MED12L: variants seen among roughly 807,000 people sequenced by gnomAD.
The protein encoded by MED12L is mediator complex subunit 12L.
Under a neutral mutation model 281.3 loss-of-function variants are expected in MED12L, and 60 were observed. That is an observed-to-expected ratio of 0.21 (90% CI 0.17 to 0.26). The LOEUF is 0.26. MED12L is among the 10% of genes least tolerant of loss of function. The pLI, the probability that MED12L is intolerant of heterozygous loss-of-function variation, is 1.00. For synonymous variants in MED12L, 974 were observed against 987.2 expected, an observed-to-expected ratio of 0.99 and a Z score of 0.25; for missense variants, 2,146 against 2,680.9, an observed-to-expected ratio of 0.80 and a Z score of 4.41.
At chr3:151,254,104 C>A (rs990832117) in intron 16 of MED12L, among the ~76,000 whole-genome samples, 13 of 151,210 alleles carry the variant, frequency 8.6e-5, no homozygotes, top group African/African-American at 3.2e-4. Flanking sequence ...AATAGAAGTC[C>A]ATACCCTTTT....
At chr3:151,182,607 C>G (rs1220538961) in intron 11 of MED12L, among the ~76,000 whole-genome samples, 1 of 151,908 alleles carries the variant, frequency 6.6e-6, no homozygotes, top group African/African-American at 2.4e-5. Context: ...ACACTGAGGC[C>G]CGAGGTGGAG....
At chr3:151,268,856 T>C (rs1422466121) in intron 16 of MED12L, among the ~76,000 whole-genome samples, 1 of 152,190 alleles carries the variant, frequency 6.6e-6, no homozygotes, top group Non-Finnish European at 1.5e-5. Context: ...GAGGAAAATG[T>C]AAAATACCTT....
chr3:151,144,334 C>T (rs1008105110), intron 5 of MED12L, among the ~76,000 whole-genome samples: 2 of 152,138 alleles, frequency 1.3e-5, no homozygotes, highest in Admixed American at 6.5e-5. Context: ...AATTGGAGAC[C>T]TGTGAGTGAA....
chr3:151,374,522 C>G (rs759319089), intron 27 of MED12L, among the ~76,000 whole-genome samples: 2 of 151,786 alleles, frequency 1.3e-5, no homozygotes, highest in African/African-American at 2.4e-5. Context: ...CACTCCAGCC[C>G]TGGTAAGAGA....
intron 8 of MED12L, among the ~76,000 whole-genome samples, chr3:151,163,098 C>T (rs1308621999): frequency 6.6e-6 from 1 of 152,112 alleles, no homozygotes; most frequent in Non-Finnish European, 1.5e-5. Flanking sequence ...TAAAATCAAA[C>T]TTGGGTTGGT....
chr3:151,235,836 T>C (rs925104009), intron 16 of MED12L, among the ~76,000 whole-genome samples: 2 of 152,130 alleles, frequency 1.3e-5, no homozygotes, highest in Admixed American at 6.5e-5. Context: ...AATGTCACCT[T>C]CTCAGCAAGG....
chr3:151,156,211 T>C lies in MED12L; in HGVS notation c.607T>C (p.Ser203Pro), dbSNP rs746514106. The part of the protein sequence containing the change: ...RYLREQLAKI[S>P]DFYHMASSTG... Reference sequence around the variant, plus strand: ...TCTTCGAGAGCAGTTGGCCAAGATTTCTGACTTTTACCACATGGCCTCCAG... The same window carrying C: ...TCTTCGAGAGCAGTTGGCCAAGATTCCTGACTTTTACCACATGGCCTCCAG... Residue 203 changes from serine (S) to proline (P), a missense_variant, in exon 6 of 45, where the codon TCT becomes CCT. Ser to Pro is a moderately conservative substitution (Grantham distance 74). Around this residue, in one of 9 missense-constraint regions of MED12L, gnomAD observed 722 missense variants for 861.2 expected, o/e 0.84. Transcript: ENST00000687756. The C allele has an allele frequency of 2.5e-6, 4 of 1,613,284 alleles. No homozygotes were observed. The highest frequency in any genetic ancestry group is 3.4e-6 in the Non-Finnish European group (4 of 1,179,730).
At chr3:151,396,425 C>G (rs1294828233) in intron 39 of MED12L, among the ~76,000 whole-genome samples, 1 of 152,106 alleles carries the variant, frequency 6.6e-6, no homozygotes, top group African/African-American at 2.4e-5. Context: ...GTCAGGAGTT[C>G]AAGATCAACC....
chr3:151,377,069 G>A lies in MED12L; in HGVS notation c.4207G>A (p.Ala1403Thr). 6.2e-7 allele frequency: 1 copy of A among 1,614,080 alleles called. No individual in the cohort carries two copies. Among genetic ancestry groups the A allele is most frequent in the Non-Finnish European group, 8.5e-7 (1 of 1,179,954 alleles). The change falls in exon 30 of 45, where the codon GCA (alanine) becomes ACA (threonine). Residue 1403 changes from alanine to threonine, a missense_variant. Physicochemically the swap from Ala to Thr is moderately conservative, Grantham distance 58. Coordinates refer to ENST00000687756, the MANE Select transcript of MED12L (RefSeq NM_001393769.1). The stretch of plus-strand genomic sequence containing the variant: ...AACAATAGAGGTATTCCAGCAGTCT[G>A]CAGACCTAAATAATTCTTCTAATTC... ...KATIEVFQQS[A>T]DLNNSSNSGM...
intron 2 of MED12L, 56 bp downstream of exon 2, chr3:151,087,081 CG>C: frequency 7.0e-7 from 1 of 1,433,460 alleles, no homozygotes; most frequent in Non-Finnish European, 9.5e-7. Flanking sequence ...AGCACTGACC[CG>C]GGGCCAAGTT....
intron 16 of MED12L, among the ~76,000 whole-genome samples, chr3:151,218,550 C>CAT (rs1332270358): frequency 2.0e-5 from 3 of 151,958 alleles, no homozygotes; most frequent in Admixed American, 6.6e-5. Flanking sequence ...AAGAAAGATT[C>CAT]ATATATATAG....
At chr3:151,387,049 C>T (rs1301284287) in intron 36 of MED12L, among the ~76,000 whole-genome samples, 1 of 152,078 alleles carries the variant, frequency 6.6e-6, no homozygotes, top group Admixed American at 6.6e-5. Context: ...TAAAAGAATG[C>T]ATATAGATAA....
chr3:151,106,219 T>C (rs1721998011), intron 2 of MED12L, among the ~76,000 whole-genome samples: 1 of 148,858 alleles, frequency 6.7e-6, no homozygotes, highest in South Asian at 2.1e-4. Context: ...TTTTTTTCTT[T>C]CTTTCCTTCC....
chr3:151,299,356 C>CTTTTCT (rs762843885), intron 16 of MED12L, among the ~76,000 whole-genome samples: 113 of 94,410 alleles, frequency 1.2e-3, no homozygotes, highest in African/African-American at 4.0e-3. Context: ...TTCCTTCCTT[C>CTTTTCT]TTTCTTTTCT....
At chr3:151,213,639 C>G (rs529815467) in intron 16 of MED12L, 13 of 1,614,054 alleles carry the variant, frequency 8.1e-6, no homozygotes, top group Non-Finnish European at 1.1e-5. Flanking sequence ...TCTTTTTGAC[C>G]GAAGTGGAAT....
At chr3:151,250,359 C>A (rs1736600307) in intron 16 of MED12L, among the ~76,000 whole-genome samples, 1 of 152,106 alleles carries the variant, frequency 6.6e-6, no homozygotes. Flanking sequence ...GTTGTGTAAC[C>A]ATCATCACCA....
chr3:151,416,183 G>T, intron 42 of MED12L, 129 bp from the exon 43 acceptor site: 3 of 1,516,054 alleles, frequency 2.0e-6, no homozygotes, highest in Non-Finnish European at 2.7e-6. Flanking sequence ...AGGTAGAGAT[G>T]CAGCAGGCAG....
At chr3:151,260,494 C>T (rs1432033918) in intron 16 of MED12L, among the ~76,000 whole-genome samples, 6 of 151,992 alleles carry the variant, frequency 3.9e-5, no homozygotes, top group Non-Finnish European at 8.8e-5. Flanking sequence ...GGACTGCAGG[C>T]GTGTACCACT....
chr3:151,122,763 T>G lies in MED12L; in HGVS notation c.205-20T>G. 1 of 1,554,148 alleles carries G rather than the reference T, an allele frequency of 6.4e-7. No homozygotes were observed. Among genetic ancestry groups the G allele is most frequent in the Non-Finnish European group, 8.7e-7 (1 of 1,150,060 alleles). The stretch of plus-strand genomic sequence containing the variant: ...TTGCTTATTGTCTTAACTTTCCCTT[T>G]TTTTCTCTTCTTTCCACAGATTGGA... On this transcript the variant is annotated intron_variant, in intron 3 of 44. Transcript: ENST00000687756.
Sources: gnomAD v4.1 joint callset for allele counts (sites outside exome capture counted in the v4.1 genomes callset) on GRCh38, gnomAD v4.1.1 for gene constraint, gnomAD v4.1.1 regional missense constraint, MANE v1.5 for transcripts, NCBI Gene and HGNC (gene_info 2026-07-23, HGNC 2026-07-21) for gene names.